Variants in FAM228B observed in about 807,000 individuals in gnomAD.
FAM228B encodes protein FAM228B.
In FAM228B, 38 loss-of-function variants were observed where a neutral mutation model predicts 42.6. The ratio of observed to expected loss-of-function variants is 0.89; its 90% CI spans 0.69 to 1.17. FAM228B has a LOEUF of 1.17. Ranked by LOEUF, FAM228B falls within the 50% of genes most tolerant of loss-of-function variation. The pLI, the probability that FAM228B is intolerant of heterozygous loss-of-function variation, is 0.00. For missense variants in FAM228B, 344 were observed against 367.3 expected (o/e 0.94, Z 0.52); for synonymous variants, 109 against 122.3 (o/e 0.89, Z 0.72).
chr2:24,159,379 G>A (rs1247590962), intron 7 of FAM228B, among the ~76,000 whole-genome samples: 1 of 152,200 alleles, frequency 6.6e-6, no homozygotes, highest in Non-Finnish European at 1.5e-5. Flanking sequence ...CTATTACAAT[G>A]TGATATGCAC....
At chr2:24,135,214 C>G (rs1386560216) in intron 3 of FAM228B, 27 bp downstream of exon 3, 1 of 1,261,588 alleles carries the variant, frequency 7.9e-7, no homozygotes, top group African/African-American at 1.5e-5. Flanking sequence ...AAATGCATCT[C>G]AGTTAAAAAT....
intron 3 of FAM228B, chr2:24,115,571 G>C (rs1181835903): frequency 6.2e-7 from 1 of 1,607,982 alleles, no homozygotes; most frequent in South Asian, 1.1e-5. Context: ...TCTTTCATGG[G>C]CCTCTGATGA....
chr2:24,083,146 C>T, intron 2 of FAM228B: 1 of 1,605,934 alleles, frequency 6.2e-7, no homozygotes, highest in Middle Eastern at 1.7e-4. Context: ...TCATACTGGC[C>T]TTGTCTCTGC....
At chr2:24,127,669 CT>C (rs777600951) in intron 2 of FAM228B, among the ~76,000 whole-genome samples, 90 of 145,262 alleles carry the variant, frequency 6.2e-4, no homozygotes, top group East Asian at 3.2e-3. Flanking sequence ...GCCATTATTT[CT>C]TTTTTTTTTT....
upstream of FAM228B, chr2:24,122,346 G>T: frequency 8.2e-6 from 9 of 1,091,646 alleles, no homozygotes; most frequent in East Asian, 2.4e-5. Context: ...AAAAAGTCAT[G>T]TCTGCTTCAT....
intron 3 of FAM228B, among the ~76,000 whole-genome samples, chr2:24,111,125 A>C (rs55983206): frequency 0.14 from 21,938 of 151,868 alleles, 1,933 homozygotes; most frequent in South Asian, 0.21. Flanking sequence ...TAGTGGCATG[A>C]TCATAGCTCA....
chr2:24,083,532 C>T (rs1331031105), intron 2 of FAM228B, among the ~76,000 whole-genome samples: 2 of 152,164 alleles, frequency 1.3e-5, no homozygotes, highest in Non-Finnish European at 2.9e-5. Context: ...AGCTGTAGAG[C>T]AGAGGGACTT....
chr2:24,145,277 C>G (rs992554198), intron 5 of FAM228B, among the ~76,000 whole-genome samples: 1 of 152,186 alleles, frequency 6.6e-6, no homozygotes, highest in Non-Finnish European at 1.5e-5. Flanking sequence ...TGGGGACTGG[C>G]CTGCCCAGTG....
intron 3 of FAM228B, among the ~76,000 whole-genome samples, chr2:24,114,035 T>G (rs1395737679): frequency 2.0e-5 from 3 of 152,124 alleles, no homozygotes; most frequent in African/African-American, 7.2e-5. Context: ...AGGAATGATG[T>G]TGGAAGTAAG....
upstream of FAM228B, chr2:24,121,266 C>A (rs764889045): frequency 3.8e-5 from 61 of 1,614,162 alleles, no homozygotes; most frequent in Non-Finnish European, 5.2e-5. Flanking sequence ...CTTGGCAAAT[C>A]CATTCACCAG....
At chr2:24,085,480 A>G (rs973979691) in intron 2 of FAM228B, among the ~76,000 whole-genome samples, 1 of 152,084 alleles carries the variant, frequency 6.6e-6, no homozygotes, top group Non-Finnish European at 1.5e-5. Context: ...ACATATCCGT[A>G]GCACTCCTTG....
chr2:24,115,592 T>C (rs751942174), intron 3 of FAM228B: 5 of 1,610,966 alleles, frequency 3.1e-6, no homozygotes, highest in Non-Finnish European at 4.2e-6. Context: ...CTTAACTTCC[T>C]TTTTTTCTTA....
At chr2:24,110,772 C>CG (rs1335804503) in intron 3 of FAM228B, among the ~76,000 whole-genome samples, 1 of 152,152 alleles carries the variant, frequency 6.6e-6, no homozygotes, top group Admixed American at 6.6e-5. Context: ...GACTCCCCCC[C>CG]CAAATCTGTA....
Position 24,139,435 on chromosome 2 carries a change from C to T in FAM228B, c.426C>T (p.Asp142=). ...EYDPFYMSKK[D]PNFLKVTIPP... ...ATCCCTTTTATATGAGCAAGAAGGA[C>T]CCCAATTTTCTGAAGGTAGGGTAGA... is the stretch of plus-strand genomic sequence containing the variant. The change falls in exon 5 of 11, where the codon GAC becomes GAT. Residue 142 remains aspartate (D), a synonymous_variant. Transcript: ENST00000615575. 6.5e-7 allele frequency: 1 copy of T among 1,544,910 alleles called. No individual in the cohort carries two copies. Among genetic ancestry groups the T allele is most frequent in the Non-Finnish European group, 8.8e-7 (1 of 1,141,724 alleles).
chr2:24,153,076 C>T, intron 7 of FAM228B, among the ~76,000 whole-genome samples: 1 of 152,082 alleles, frequency 6.6e-6, no homozygotes, highest in East Asian at 1.9e-4. Flanking sequence ...GCCTGGGACT[C>T]ACCCTTCAGG....
At chr2:24,153,761 T>G (rs1115856) in intron 7 of FAM228B, among the ~76,000 whole-genome samples, 4 of 152,072 alleles carry the variant, frequency 2.6e-5, no homozygotes, top group Admixed American at 6.5e-5. Flanking sequence ...CAGCCCAACA[T>G]GAGGAATTGC....
chr2:24,161,719 A>G (rs1667291312), intron 8 of FAM228B, 106 bp downstream of exon 8: 2 of 722,148 alleles, frequency 2.8e-6, no homozygotes, highest in Non-Finnish European at 4.8e-6. Context: ...TGAGGCACAC[A>G]CAAAGCTCCA....
rs58611623 is a variant in FAM228B, at chr2:24,090,562, C to CAAA, written c.-209-4560_-209-4558dup. On this transcript the variant is annotated intron_variant, in intron 2 of 10. Coordinates refer to the FAM228B transcript ENST00000613899. The stretch of plus-strand genomic sequence containing the variant: ...TGGTGACAGAGAGAGCCTCCCATCT[C>CAAA]AAAAAAAAAAAAAAAAAAAAATAGG... Among the ~76,000 whole-genome samples the CAAA allele has an allele frequency of 1.9e-3, 154 of 81,520 alleles. 1 individual carries two copies. The highest frequency in any genetic ancestry group is 6.1e-3 in the African/African-American group (118 of 19,334). The allele number at this position is 81,520 out of a possible 152,430, so 53.5% of individuals were successfully genotyped here.
At chr2:24,091,073 G>A (rs920717089) in intron 2 of FAM228B, among the ~76,000 whole-genome samples, 1 of 149,368 alleles carries the variant, frequency 6.7e-6, no homozygotes, top group Admixed American at 6.6e-5. Context: ...GATAAAAAAC[G>A]AGGTAATTGA....
Sources: gnomAD v4.1 joint callset for allele counts (sites outside exome capture counted in the v4.1 genomes callset) on GRCh38, gnomAD v4.1.1 for gene constraint, MANE v1.5 for transcripts, NCBI Gene and HGNC (gene_info 2026-07-23, HGNC 2026-07-21) for gene names.